The following PTPRD variants were observed in gnomAD, a reference collection of about 807,000 sequenced individuals.
The protein encoded by PTPRD is receptor-type tyrosine-protein phosphatase delta.
PTPRD carries 34 observed loss-of-function variants against 214.5 expected under a neutral mutation model. The observed-to-expected ratio is 0.16, with a 90% CI of 0.12 to 0.21. The LOEUF is 0.21. Ranked by LOEUF, PTPRD falls within the 10% of genes least tolerant of loss-of-function variation. The pLI is 1.00. For synonymous variants in PTPRD, 1,128 were observed against 845.7 expected (o/e 1.33, Z -5.79); for missense variants, 2,545 against 2,398.7 (o/e 1.06, Z -1.27).
intron 2 of PTPRD, among the ~76,000 whole-genome samples, chr9:10,587,401 G>C (rs1182106126): frequency 6.6e-6 from 1 of 151,978 alleles, no homozygotes; most frequent in Non-Finnish European, 1.5e-5. Flanking sequence ...GAGTATCTAT[G>C]GCATATATAA....
At position 9,444,502 on chromosome 9, in the gene PTPRD, G is replaced by A. The variant is rs184691550; in HGVS notation, c.-236-47020C>T. ...GAGTTTGCAGATGCTCCATAAATTG[G>A]TAGAATGAATTAACTTGATTCAAAT... On this transcript the variant is annotated intron_variant, in intron 8 of 45. Transcript: ENST00000381196. 1.7e-3 allele frequency among the ~76,000 whole-genome samples: 265 copies of A among 152,256 alleles called. 2 individuals carry two copies. Among genetic ancestry groups the A allele is most frequent in the South Asian group, 2.9e-3 (14 of 4,830 alleles).
chr9:9,236,729 C>T (rs972188294), intron 9 of PTPRD, among the ~76,000 whole-genome samples: 1 of 151,788 alleles, frequency 6.6e-6, no homozygotes, highest in Non-Finnish European at 1.5e-5. Flanking sequence ...AACACTCCGT[C>T]TATTGGGGCA....
intron 10 of PTPRD, among the ~76,000 whole-genome samples, chr9:9,176,583 G>A (rs1381383066): frequency 6.6e-6 from 1 of 152,168 alleles, no homozygotes; most frequent in Non-Finnish European, 1.5e-5. Context: ...ATGGTGTTGG[G>A]AGTTGGGGCC....
At chr9:8,423,599 T>C (rs1000511839) in intron 35 of PTPRD, among the ~76,000 whole-genome samples, 9 of 152,322 alleles carry the variant, frequency 5.9e-5, no homozygotes, top group East Asian at 1.9e-4. Flanking sequence ...CCCTTCTTCA[T>C]TGGTCTTATC....
In PTPRD at chr9:10,174,070, T is replaced by TA. The variant is rs1295115955; in HGVS notation, c.-544-140281dup. On this transcript the variant is annotated intron_variant, in intron 3 of 45. Coordinates refer to ENST00000381196, the MANE Select transcript of PTPRD (RefSeq NM_002839.4). ...TAATGAGCTTTTGTTTGGCATCACT[T>TA]ACTAAATTAAGACAATTTGCCTAAT... is the stretch of plus-strand genomic sequence containing the variant. Among the ~76,000 whole-genome samples the TA allele has an allele frequency of 2.0e-5, 3 of 152,288 alleles. No homozygotes were observed. In the East Asian group the frequency reaches 5.8e-4, roughly 29 times the overall value.
At chr9:10,423,091 G>A (rs1022129274) in intron 2 of PTPRD, among the ~76,000 whole-genome samples, 4 of 152,004 alleles carry the variant, frequency 2.6e-5, no homozygotes, top group Non-Finnish European at 5.9e-5. Flanking sequence ...TTAAGAAAAC[G>A]TGGCACATAT....
intron 2 of PTPRD, among the ~76,000 whole-genome samples, chr9:10,457,055 A>G (rs914933891): frequency 6.6e-6 from 1 of 151,954 alleles, no homozygotes; most frequent in Non-Finnish European, 1.5e-5. Flanking sequence ...AATATTGTAT[A>G]TTATACACAT....
intron 2 of PTPRD, among the ~76,000 whole-genome samples, chr9:10,590,453 C>T (rs1426663777): frequency 1.3e-5 from 2 of 151,882 alleles, no homozygotes; most frequent in Non-Finnish European, 1.5e-5. Context: ...ACCACTTGCT[C>T]CTTTATAGTC....
At chr9:9,947,520 T>C (rs1586812505) in intron 4 of PTPRD, among the ~76,000 whole-genome samples, 1 of 28,838 alleles carries the variant, frequency 3.5e-5, no homozygotes, top group South Asian at 1.0e-3. Flanking sequence ...ATAATATATA[T>C]ATTATATATA....
At chr9:9,728,425 A>G (rs936636996) in intron 7 of PTPRD, among the ~76,000 whole-genome samples, 2 of 152,180 alleles carry the variant, frequency 1.3e-5, no homozygotes, top group Non-Finnish European at 2.9e-5. Flanking sequence ...CCTATGTGTG[A>G]AGAAAAGAAG....
At chr9:10,143,535 T>C (rs1464211906) in intron 3 of PTPRD, among the ~76,000 whole-genome samples, 2 of 151,812 alleles carry the variant, frequency 1.3e-5, no homozygotes, top group East Asian at 1.9e-4. Flanking sequence ...GAACTGCCAT[T>C]CAACCCAGCA....
chr9:8,832,116 G>GTC (rs1566450243), intron 11 of PTPRD, among the ~76,000 whole-genome samples: 1 of 151,424 alleles, frequency 6.6e-6, no homozygotes, highest in Non-Finnish European at 1.5e-5. Context: ...GTGTGTGTGT[G>GTC]TGTGTGTGTG....
intron 25 of PTPRD, 124 bp downstream of exon 25, chr9:8,499,523 T>C (rs1214470690): frequency 1.0e-6 from 1 of 969,902 alleles, no homozygotes; most frequent in African/African-American, 1.7e-5. Flanking sequence ...CAATGTGAAA[T>C]GAAAACTAGA....
At chr9:8,833,251 C>G (rs2097335631) in intron 11 of PTPRD, among the ~76,000 whole-genome samples, 1 of 152,080 alleles carries the variant, frequency 6.6e-6, no homozygotes, top group Admixed American at 6.6e-5. Context: ...TCTACTACCC[C>G]TTAGTTCCCA....
intron 11 of PTPRD, among the ~76,000 whole-genome samples, chr9:8,769,649 A>G (rs974905571): frequency 1.3e-5 from 2 of 152,160 alleles, no homozygotes; most frequent in Admixed American, 1.3e-4. Context: ...CCTCAGTGTA[A>G]AAATGTAATG....
chr9:9,348,917 C>T (rs999761808), intron 9 of PTPRD, among the ~76,000 whole-genome samples: 4 of 152,002 alleles, frequency 2.6e-5, no homozygotes, highest in African/African-American at 4.8e-5. Flanking sequence ...TTTTTCTCTT[C>T]CTGTATTTTA....
At chr9:8,831,976 T>C (rs1480366666) in intron 11 of PTPRD, among the ~76,000 whole-genome samples, 2 of 152,102 alleles carry the variant, frequency 1.3e-5, no homozygotes, top group Non-Finnish European at 2.9e-5. Context: ...ACTTTAGTAG[T>C]GTCCAGGAAA....
At chr9:9,447,094 G>A (rs1047948204) in intron 8 of PTPRD, among the ~76,000 whole-genome samples, 2 of 152,250 alleles carry the variant, frequency 1.3e-5, no homozygotes, top group Non-Finnish European at 2.9e-5. Context: ...ACCATTTGTG[G>A]AGAATAGTGT....
At chr9:10,538,712 A>T (rs911133086) in intron 2 of PTPRD, among the ~76,000 whole-genome samples, 1 of 152,150 alleles carries the variant, frequency 6.6e-6, no homozygotes, top group Non-Finnish European at 1.5e-5. Context: ...TATCTTTTAG[A>T]TTCCAATCTA....
Sources: gnomAD v4.1 joint callset for allele counts (sites outside exome capture counted in the v4.1 genomes callset) on GRCh38, gnomAD v4.1.1 for gene constraint, MANE v1.5 for transcripts, NCBI Gene and HGNC (gene_info 2026-07-23, HGNC 2026-07-21) for gene names.